Variants in ENOX1 observed in about 807,000 individuals in gnomAD.
ENOX1 encodes ecto-NOX disulfide-thiol exchanger 1.
In ENOX1, 42 loss-of-function variants were observed where a neutral mutation model predicts 82.5. The ratio of observed to expected loss-of-function variants is 0.51; its 90% CI spans 0.40 to 0.66. The LOEUF (loss-of-function observed/expected upper bound fraction) is 0.66. Among genes scored for constraint, ENOX1 ranks in the 30% least tolerant of loss-of-function variants. The pLI, the probability that ENOX1 is intolerant of heterozygous loss-of-function variation, is 0.00. For missense variants in ENOX1, 608 were observed against 811.6 expected (o/e 0.75, Z 3.05); for synonymous variants, 271 against 282.2 (o/e 0.96, Z 0.40).
At chr13:43,226,451 G>T (rs957621200) in intron 15 of ENOX1, among the ~76,000 whole-genome samples, 5 of 152,122 alleles carry the variant, frequency 3.3e-5, no homozygotes, top group Non-Finnish European at 5.9e-5. Flanking sequence ...TTTTCTTCTA[G>T]CTATTCTGAA....
intron 2 of ENOX1, among the ~76,000 whole-genome samples, chr13:43,526,232 C>T (rs1453949229): frequency 6.6e-6 from 1 of 152,238 alleles, no homozygotes; most frequent in East Asian, 1.9e-4. Flanking sequence ...AATGTCCCAG[C>T]TCACTACAGC....
intron 5 of ENOX1, among the ~76,000 whole-genome samples, chr13:43,373,757 T>C (rs2153569570): frequency 6.6e-6 from 1 of 152,280 alleles, no homozygotes; most frequent in South Asian, 2.1e-4. Context: ...CAACCCATAC[T>C]CCCCCATAGC....
intron 5 of ENOX1, among the ~76,000 whole-genome samples, chr13:43,390,951 A>G (rs2052736362): frequency 6.6e-6 from 1 of 152,154 alleles, no homozygotes; most frequent in Non-Finnish European, 1.5e-5. Flanking sequence ...ACTGGCTACT[A>G]CGAATCCCTT....
intron 14 of ENOX1, among the ~76,000 whole-genome samples, chr13:43,254,022 T>G (rs1028639522): frequency 2.6e-5 from 4 of 152,250 alleles, no homozygotes; most frequent in African/African-American, 9.6e-5. Flanking sequence ...TGTTGATGGT[T>G]TGGAGCTTAC....
At chr13:43,328,659 A>C (rs1198442564) in intron 9 of ENOX1, among the ~76,000 whole-genome samples, 1 of 152,234 alleles carries the variant, frequency 6.6e-6, no homozygotes, top group African/African-American at 2.4e-5. Context: ...AAAAGAAAGA[A>C]CTAAGAAGAA....
intron 3 of ENOX1, among the ~76,000 whole-genome samples, chr13:43,436,040 GC>G (rs1168630271): frequency 3.3e-5 from 5 of 152,122 alleles, no homozygotes; most frequent in Admixed American, 6.5e-5. Context: ...AGCGTTGGAG[GC>G]TGCTGAAAGG....
At chr13:43,301,500 T>A (rs576954178) in intron 11 of ENOX1, among the ~76,000 whole-genome samples, 17 of 150,726 alleles carry the variant, frequency 1.1e-4, no homozygotes, top group African/African-American at 4.2e-4. Context: ...TGCCAAGCAG[T>A]ATATAATATT....
chr13:43,415,248 T>TG (rs1460847016), intron 3 of ENOX1, among the ~76,000 whole-genome samples: 17 of 146,314 alleles, frequency 1.2e-4, no homozygotes, highest in Admixed American at 5.5e-4. Flanking sequence ...TTTTTTTTTT[T>TG]TTTTTTTTTT....
intron 11 of ENOX1, among the ~76,000 whole-genome samples, chr13:43,302,131 G>A (rs897093562): frequency 1.3e-5 from 2 of 151,344 alleles, no homozygotes; most frequent in African/African-American, 4.9e-5. Context: ...AAAGTACAGT[G>A]TGCATCTTTC....
intron 9 of ENOX1, among the ~76,000 whole-genome samples, chr13:43,327,357 T>C (rs949971435): frequency 2.0e-5 from 3 of 152,234 alleles, no homozygotes; most frequent in African/African-American, 2.4e-5. Flanking sequence ...ATTTAGTACT[T>C]CTGCTGCTTT....
At chr13:43,766,779 A>G (rs1594743761) in intron 1 of ENOX1, among the ~76,000 whole-genome samples, 1 of 152,172 alleles carries the variant, frequency 6.6e-6, no homozygotes, top group African/African-American at 2.4e-5. Context: ...AAATTAAACT[A>G]ATTTCATCAT....
At chr13:43,749,353 CAAGA>C (rs1469224534) in intron 1 of ENOX1, among the ~76,000 whole-genome samples, 1 of 152,222 alleles carries the variant, frequency 6.6e-6, no homozygotes, top group Non-Finnish European at 1.5e-5. Flanking sequence ...AAAGCCCATA[CAAGA>C]AAGATTCTCT....
intron 1 of ENOX1, among the ~76,000 whole-genome samples, chr13:43,758,429 T>C (rs1950774200): frequency 6.6e-6 from 1 of 151,398 alleles, no homozygotes; most frequent in African/African-American, 2.4e-5. Context: ...ATGACAAAAT[T>C]ATAGAAATGG....
chr13:43,460,544 T>C (rs1013168759), intron 3 of ENOX1, among the ~76,000 whole-genome samples: 2 of 152,108 alleles, frequency 1.3e-5, no homozygotes, highest in Non-Finnish European at 2.9e-5. Flanking sequence ...CTCACGCCTG[T>C]AATCCTAGCA....
intron 15 of ENOX1, among the ~76,000 whole-genome samples, chr13:43,228,933 A>T (rs2153454902): frequency 6.6e-6 from 1 of 152,334 alleles, no homozygotes; most frequent in African/African-American, 2.4e-5. Flanking sequence ...ACCTTACACA[A>T]AGCGATTGAT....
At chr13:43,649,133 C>G (rs746380225) in intron 2 of ENOX1, among the ~76,000 whole-genome samples, 18 of 152,326 alleles carry the variant, frequency 1.2e-4, no homozygotes, top group Non-Finnish European at 2.5e-4. Flanking sequence ...ACAGGCCACT[C>G]AATTCATTTA....
intron 2 of ENOX1, among the ~76,000 whole-genome samples, chr13:43,532,210 G>A (rs562312971): frequency 1.3e-5 from 2 of 151,970 alleles, no homozygotes; most frequent in South Asian, 2.1e-4. Flanking sequence ...TAACATTTTG[G>A]TATATACTTT....
intron 1 of ENOX1, among the ~76,000 whole-genome samples, chr13:43,777,792 C>T (rs935122062): frequency 6.6e-6 from 1 of 152,046 alleles, no homozygotes; most frequent in African/African-American, 2.4e-5. Context: ...TCAAGTGATC[C>T]ACCCCCTTGG....
intron 9 of ENOX1, among the ~76,000 whole-genome samples, chr13:43,330,567 T>TC (rs931006767): frequency 5.3e-5 from 8 of 152,030 alleles, no homozygotes; most frequent in Middle Eastern, 3.4e-3. Context: ...TGCAAATCTT[T>TC]CCCCCCCAAT....
Sources: allele counts gnomAD v4.1 joint callset (sites outside exome capture counted in the v4.1 genomes callset), GRCh38; gene constraint gnomAD v4.1.1; transcripts MANE v1.5; gene names NCBI Gene and HGNC (gene_info 2026-07-23, HGNC 2026-07-21).